ADARB2: variants seen among roughly 807,000 people sequenced by gnomAD.
ADARB2 encodes inactive double-stranded RNA-specific editase B2.
A neutral mutation model predicts 62.2 loss-of-function variants in ADARB2; 25 were observed. The observed-to-expected ratio is 0.40, with a 90% CI of 0.29 to 0.56. The LOEUF (loss-of-function observed/expected upper bound fraction) is 0.56. ADARB2 is among the 20% of genes least tolerant of loss of function. ADARB2 has a pLI of 0.43. For synonymous variants in ADARB2, 572 were observed against 500.8 expected (o/e 1.14, Z -1.90); for missense variants, 1,071 against 1,077.4 (o/e 0.99, Z 0.08).
chr10:1,333,156 T>G (rs187958565), intron 3 of ADARB2, among the ~76,000 whole-genome samples: 1 of 152,388 alleles, frequency 6.6e-6, no homozygotes, highest in Admixed American at 6.5e-5. Flanking sequence ...GCCCCAGACT[T>G]GGCTGAGTTA....
Position 1,392,074 on chromosome 10 carries a change from A to G in ADARB2, c.101-12914T>C, listed in dbSNP as rs367746805. ...AGCCCCCGTGCCTGGTCAGAATTTGATCTAATACTCTACCTCCTAAAAAGC... is the reference window on the plus strand; with the variant it reads ...AGCCCCCGTGCCTGGTCAGAATTTGGTCTAATACTCTACCTCCTAAAAAGC... On this transcript the variant is annotated intron_variant, in intron 1 of 9. Transcript: ENST00000381312. Among the ~76,000 whole-genome samples, 9 of 152,248 alleles carry G rather than the reference A, an allele frequency of 5.9e-5. No homozygotes were observed. In the South Asian group the frequency reaches 1.7e-3, roughly 28 times the overall value.
In ADARB2 at chr10:1,581,277, C is replaced by T. The variant is rs373177042; in HGVS notation, c.100+155774G>A. Reference sequence around the variant, plus strand: ...GCTTAAACCCATCAGACGTTCCGCTCGTGGGAGCTTTCCCTGTGACAGCTA... The same window carrying T: ...GCTTAAACCCATCAGACGTTCCGCTTGTGGGAGCTTTCCCTGTGACAGCTA... On this transcript the variant is annotated intron_variant, in intron 1 of 9. Transcript: ENST00000381312. Among the ~76,000 whole-genome samples the T allele has an allele frequency of 1.8e-3, 280 of 152,368 alleles. 3 individuals carry two copies. The South Asian group carries it at 0.023, about 13-fold the overall frequency.
At chr10:1,404,377 G>A (rs1354762379) in intron 1 of ADARB2, among the ~76,000 whole-genome samples, 1 of 152,224 alleles carries the variant, frequency 6.6e-6, no homozygotes, top group Non-Finnish European at 1.5e-5. Context: ...GTGCTGAGAT[G>A]CCCCTCAGTG....
intron 1 of ADARB2, among the ~76,000 whole-genome samples, chr10:1,522,232 T>C (rs1832081931): frequency 6.6e-6 from 1 of 152,192 alleles, no homozygotes; most frequent in African/African-American, 2.4e-5. Flanking sequence ...GCCTCACGTT[T>C]GAAGTAGCTG....
intron 2 of ADARB2, among the ~76,000 whole-genome samples, chr10:1,369,278 GTAGAAAGCTATTGA>G (rs905955344): frequency 6.6e-6 from 1 of 152,170 alleles, no homozygotes; most frequent in African/African-American, 2.4e-5. Context: ...CTGCCTCTAA[GTAGAAAGCTATTGA>G]TGGAAAGCTA....
At chr10:1,273,393 T>G (rs1224203195) in intron 3 of ADARB2, among the ~76,000 whole-genome samples, 1 of 152,180 alleles carries the variant, frequency 6.6e-6, no homozygotes, top group Non-Finnish European at 1.5e-5. Flanking sequence ...CCCAAAGCGC[T>G]AGGATTACAG....
chr10:1,446,613 C>T (rs1003110494), intron 1 of ADARB2, among the ~76,000 whole-genome samples: 1 of 152,196 alleles, frequency 6.6e-6, no homozygotes, highest in Non-Finnish European at 1.5e-5. Flanking sequence ...AGCCTGGGCT[C>T]CCATTCCTGT....
chr10:1,486,157 T>G (rs1417974061), intron 1 of ADARB2, among the ~76,000 whole-genome samples: 1 of 151,732 alleles, frequency 6.6e-6, no homozygotes, highest in Non-Finnish European at 1.5e-5. Flanking sequence ...TAAACCTCGT[T>G]AGAGGAAAAA....
intron 1 of ADARB2, among the ~76,000 whole-genome samples, chr10:1,551,475 C>T (rs1001163227): frequency 5.9e-5 from 9 of 152,220 alleles, no homozygotes; most frequent in African/African-American, 1.4e-4. Flanking sequence ...GAGGCAGGCT[C>T]GAGCAGGACT....
chr10:1,245,354 CTTTAAG>C (rs969020656), intron 4 of ADARB2, among the ~76,000 whole-genome samples: 1 of 151,946 alleles, frequency 6.6e-6, no homozygotes, highest in African/African-American at 2.4e-5. Context: ...TTTTATTATA[CTTTAAG>C]TTTTAGGGTG....
chr10:1,210,953 G>A (rs1410633989), intron 7 of ADARB2, among the ~76,000 whole-genome samples: 1 of 152,150 alleles, frequency 6.6e-6, no homozygotes, highest in South Asian at 2.1e-4. Context: ...TGGGCAACGC[G>A]GAGGCTGTAC....
At chr10:1,603,929 T>G (rs1210293256) in intron 1 of ADARB2, among the ~76,000 whole-genome samples, 1 of 152,042 alleles carries the variant, frequency 6.6e-6, no homozygotes, top group Non-Finnish European at 1.5e-5. Context: ...CTCAGCCTCC[T>G]GAGTAGCTGG....
At chr10:1,271,672 C>T (rs1470919976) in intron 3 of ADARB2, among the ~76,000 whole-genome samples, 2 of 152,214 alleles carry the variant, frequency 1.3e-5, no homozygotes, top group Non-Finnish European at 2.9e-5. Flanking sequence ...ACGTGTGCCC[C>T]TGCACACCCC....
chr10:1,588,830 A>G (rs1833212083), intron 1 of ADARB2, among the ~76,000 whole-genome samples: 1 of 152,144 alleles, frequency 6.6e-6, no homozygotes, highest in Non-Finnish European at 1.5e-5. Flanking sequence ...AGATGACAAG[A>G]TCGATACAGA....
chr10:1,510,751 C>CT (rs1335333285), intron 1 of ADARB2, among the ~76,000 whole-genome samples: 1 of 152,200 alleles, frequency 6.6e-6, no homozygotes, highest in Non-Finnish European at 1.5e-5. Context: ...ACAGTCCCTT[C>CT]TTCACTGGAA....
rs984730495 is a variant in ADARB2 at position 1,178,056 on chromosome 10, C to G, written c.*5137G>C. On this transcript the variant is annotated 3_prime_UTR_variant, in exon 10 of 10. Transcript: ENST00000381312. ...ACATGTGGACACATTCAGGAGAGTCCAAAAATGACTGCAGCAACTCCCTGT... is the reference window on the plus strand; with the variant it reads ...ACATGTGGACACATTCAGGAGAGTCGAAAAATGACTGCAGCAACTCCCTGT... 1.3e-5 allele frequency: 2 copies of G among 152,204 alleles called. No individual in the cohort carries two copies. Among genetic ancestry groups the G allele is most frequent in the Admixed American group, 6.5e-5 (1 of 15,276 alleles). 9.4% of individuals were successfully genotyped at this position (152,204 alleles called of 1,614,324 possible). A position where few individuals can be genotyped will look rare whatever the true frequency, so the allele number is the denominator to read the frequency against.
At chr10:1,707,877 CAG>C (rs1025078510) in intron 1 of ADARB2, among the ~76,000 whole-genome samples, 4 of 152,174 alleles carry the variant, frequency 2.6e-5, no homozygotes, top group African/African-American at 7.2e-5. Context: ...CCACACACAG[CAG>C]AGTCAGCACT....
intron 1 of ADARB2, among the ~76,000 whole-genome samples, chr10:1,707,343 T>C (rs1485006535): frequency 6.6e-6 from 1 of 152,230 alleles, no homozygotes; most frequent in Non-Finnish European, 1.5e-5. Flanking sequence ...CTTCAAATCC[T>C]CATGCACCCC....
intron 1 of ADARB2, among the ~76,000 whole-genome samples, chr10:1,608,138 G>T (rs1352668276): frequency 6.6e-6 from 1 of 152,240 alleles, no homozygotes; most frequent in Non-Finnish European, 1.5e-5. Context: ...CATGCAAATG[G>T]AAAGTGATTT....
Sources: allele counts gnomAD v4.1 joint callset (sites outside exome capture counted in the v4.1 genomes callset), GRCh38; gene constraint gnomAD v4.1.1; transcripts MANE v1.5; gene names NCBI Gene and HGNC (gene_info 2026-07-23, HGNC 2026-07-21).